RB1: variants seen among roughly 807,000 people sequenced by gnomAD.
The protein encoded by RB1 is RB transcriptional corepressor 1, also known as retinoblastoma-associated protein.
RB1 carries 18 observed loss-of-function variants against 135.4 expected under a neutral mutation model. The observed-to-expected ratio is 0.13, with a 90% confidence interval of 0.09 to 0.20. The LOEUF (loss-of-function observed/expected upper bound fraction) is 0.20. RB1 is among the 10% of genes least tolerant of loss of function. The probability of loss-of-function intolerance (pLI) is 1.00; values close to 1 mark genes in which losing one functional copy is unlikely to be tolerated. For missense variants in RB1, 868 were observed against 1,110.0 expected, an observed-to-expected ratio of 0.78 and a Z score of 3.10; for synonymous variants, 365 against 373.2, an observed-to-expected ratio of 0.98 and a Z score of 0.25.
intron 17 of RB1, among the ~76,000 whole-genome samples, chr13:48,383,076 T>TAA (rs1298449273): frequency 6.6e-6 from 1 of 152,196 alleles, no homozygotes; most frequent in African/African-American, 2.4e-5. Context: ...TTAGATAATT[T>TAA]ATTTAAAGTA....
chr13:48,366,059 T>A (rs1432778732), intron 9 of RB1, among the ~76,000 whole-genome samples: 1 of 152,170 alleles, frequency 6.6e-6, no homozygotes, highest in African/African-American at 2.4e-5. Flanking sequence ...TGTATGATAG[T>A]ATGGTCTGAT....
chr13:48,346,376 G>GAGTAGAATATTATATATA (rs1952498211), intron 4 of RB1, among the ~76,000 whole-genome samples: 1 of 61,726 alleles, frequency 1.6e-5, no homozygotes, highest in Non-Finnish European at 2.7e-5. Flanking sequence ...ATATATGTGT[G>GAGTAGAATATTATATATA]TGTGTGTGTG....
chr13:48,411,472 C>A, intron 17 of RB1: 1 of 1,613,104 alleles, frequency 6.2e-7, no homozygotes, highest in Non-Finnish European at 8.5e-7. Flanking sequence ...CCATGAACTT[C>A]AGAGAATCTG....
At chr13:48,312,960 C>T (rs572168026) in intron 2 of RB1, among the ~76,000 whole-genome samples, 1 of 152,102 alleles carries the variant, frequency 6.6e-6, no homozygotes, top group Non-Finnish European at 1.5e-5. Context: ...TAACACCCTC[C>T]CATGCTCCCA....
At chr13:48,325,119 G>A (rs981882784) in intron 2 of RB1, among the ~76,000 whole-genome samples, 8 of 151,772 alleles carry the variant, frequency 5.3e-5, no homozygotes, top group South Asian at 2.1e-4. Flanking sequence ...GTCCTAATCC[G>A]CTTCCTCTCC....
At chr13:48,325,005 G>T (rs1212420382) in intron 2 of RB1, among the ~76,000 whole-genome samples, 1 of 151,408 alleles carries the variant, frequency 6.6e-6, no homozygotes, top group East Asian at 1.9e-4. Context: ...TAAGTTCAGG[G>T]GTACATGTGC....
At chr13:48,421,066 A>G (rs1306728277) in intron 17 of RB1, among the ~76,000 whole-genome samples, 1 of 152,102 alleles carries the variant, frequency 6.6e-6, no homozygotes. Context: ...AAAAAAGCCC[A>G]TATAGCCAAG....
In RB1 at chr13:48,317,285, G is replaced by A. The variant is rs1433392390; in HGVS notation, c.264+9879G>A. 2.7e-5 allele frequency: 11 copies of A among 401,520 alleles called. No individual in the cohort carries two copies. In the East Asian group the frequency reaches 4.6e-4, roughly 17 times the overall value. The allele number at this position is 401,520 out of a possible 1,614,324, so 24.9% of individuals were successfully genotyped here. ...CAGCGCGGGGAGAAGCCCACAAGGG[G>A]TAGGCTGGGCAGGCCCCAGGCGGGG... On this transcript the variant is annotated intron_variant, in intron 2 of 26. Coordinates refer to ENST00000267163, the MANE Select transcript of RB1 (RefSeq NM_000321.3).
chr13:48,381,102 G>A (rs1781814055), intron 16 of RB1, 145 bp from the exon 17 acceptor site: 13 of 1,134,886 alleles, frequency 1.1e-5, no homozygotes, highest in African/African-American at 1.6e-5. Flanking sequence ...CTATGAGTCC[G>A]TAGACTCCAA....
In RB1 at chr13:48,463,030, T is replaced by C. The variant is rs575230159; in HGVS notation, c.2107-701T>C. On this transcript the variant is annotated intron_variant, in intron 20 of 26. Coordinates refer to ENST00000267163, the MANE Select transcript of RB1 (RefSeq NM_000321.3). ...GATTATTTGGCATTCTTGGCAATAG[T>C]AGGTAAGAGCAAGAATGTTGCAGAA... Among the ~76,000 whole-genome samples the C allele has an allele frequency of 4.6e-5, 7 of 152,338 alleles. No individual in the cohort carries two copies. The East Asian group carries it at 1.3e-3, about 29-fold the overall frequency.
chr13:48,390,442 A>G (rs1217135844), intron 17 of RB1, among the ~76,000 whole-genome samples: 1 of 152,176 alleles, frequency 6.6e-6, no homozygotes, highest in Non-Finnish European at 1.5e-5. Context: ...ACAGTGAGCA[A>G]GAGTCCAGGA....
At chr13:48,472,618 G>A (rs769076080) in intron 23 of RB1, among the ~76,000 whole-genome samples, 5 of 152,000 alleles carry the variant, frequency 3.3e-5, no homozygotes, top group African/African-American at 7.2e-5. Flanking sequence ...CAGCAAAAAC[G>A]TCACATTCTG....
At chr13:48,475,353 TTGGGC>T (rs4151622) in intron 24 of RB1, among the ~76,000 whole-genome samples, 137,870 of 152,006 alleles carry the variant, frequency 0.91, 63,539 homozygotes, top group East Asian at 1. Context: ...AAGGTGTCAG[TTGGGC>T]TGGGCCTGCA....
At chr13:48,309,852 T>C (rs1386598771) in intron 2 of RB1, among the ~76,000 whole-genome samples, 1 of 152,206 alleles carries the variant, frequency 6.6e-6, no homozygotes, top group South Asian at 2.1e-4. Context: ...AGCTTCAGAA[T>C]TGAATACATA....
chr13:48,411,883 G>A (rs1397623656), intron 17 of RB1: 2 of 1,613,184 alleles, frequency 1.2e-6, no homozygotes, highest in East Asian at 4.5e-5. Context: ...ATCCTTGAGA[G>A]ATATGTTTTC....
intron 12 of RB1, among the ~76,000 whole-genome samples, chr13:48,374,422 T>C (rs1015246278): frequency 1.3e-5 from 2 of 152,222 alleles, no homozygotes; most frequent in African/African-American, 4.8e-5. Flanking sequence ...CTGTGCTTTT[T>C]GTACTTGTTA....
chr13:48,340,311 A>G (rs979306946), intron 2 of RB1, among the ~76,000 whole-genome samples: 2 of 152,178 alleles, frequency 1.3e-5, no homozygotes, highest in African/African-American at 4.8e-5. Context: ...AAAAACTTCT[A>G]TTCCTTGAAA....
intron 17 of RB1, among the ~76,000 whole-genome samples, chr13:48,382,454 A>G (rs1271662393): frequency 1.3e-5 from 2 of 152,088 alleles, no homozygotes; most frequent in African/African-American, 4.8e-5. Context: ...GCCAGTGATG[A>G]TGAGCATTTT....
intron 17 of RB1, chr13:48,422,815 A>G (rs1287573463): frequency 2.6e-5 from 4 of 152,190 alleles, no homozygotes; most frequent in Non-Finnish European, 5.9e-5. Context: ...AAAAGGAAAG[A>G]ATATAGCCTA....
Sources: allele counts gnomAD v4.1 joint callset (sites outside exome capture counted in the v4.1 genomes callset), GRCh38; gene constraint gnomAD v4.1.1; transcripts MANE v1.5; gene names NCBI Gene and HGNC (gene_info 2026-07-23, HGNC 2026-07-21).